TMEM168: variants seen among roughly 807,000 people sequenced by gnomAD.
TMEM168 encodes transmembrane protein 168.
TMEM168 carries 40 observed loss-of-function variants against 53.2 expected under a neutral mutation model. The ratio of observed to expected loss-of-function variants is 0.75; its 90% CI spans 0.58 to 0.98. TMEM168 has a LOEUF of 0.98. Ranked by LOEUF, TMEM168 falls within the 50% of genes least tolerant of loss-of-function variation. The probability of loss-of-function intolerance (pLI) is 0.00; values close to 1 mark genes in which losing one functional copy is unlikely to be tolerated. For missense variants in TMEM168, 771 were observed against 828.8 expected (o/e 0.93, Z 0.86); for synonymous variants, 282 against 293.0 (o/e 0.96, Z 0.38).
At chr7:112,787,990 C>T (rs1793439243) in intron 1 of TMEM168, among the ~76,000 whole-genome samples, 1 of 152,048 alleles carries the variant, frequency 6.6e-6, no homozygotes, top group African/African-American at 2.4e-5. Context: ...CCTTGGCCTC[C>T]CAAAGTGCTG....
At position 112,783,978 on chromosome 7, in the gene TMEM168, A is replaced by G; in HGVS notation, c.848T>C (p.Phe283Ser). 1 of 1,613,102 alleles carries G rather than the reference A, an allele frequency of 6.2e-7. No individual in the cohort carries two copies. Among genetic ancestry groups the G allele is most frequent in the East Asian group, 2.2e-5 (1 of 44,858 alleles). Reference sequence around the variant, plus strand: ...CCAGAGGTGAGTGTCTCTAAGTTTGAATGCGGAAAGAATAAAAAATGTAAG... The same window carrying G: ...CCAGAGGTGAGTGTCTCTAAGTTTGGATGCGGAAAGAATAAAAAATGTAAG... ...IELTFFILSA[F>S]KLRDTHLWYF... The change falls in exon 2 of 5, where the codon TTC becomes TCC. Residue 283 changes from phenylalanine (F) to serine (S), a missense_variant. Coordinates refer to ENST00000312814, the MANE Select transcript of TMEM168 (RefSeq NM_022484.6).
At chr7:112,783,426 CTT>C (rs1562868590) in intron 2 of TMEM168, among the ~76,000 whole-genome samples, 2 of 152,174 alleles carry the variant, frequency 1.3e-5, no homozygotes, top group African/African-American at 4.8e-5. Context: ...TTCTAAGACT[CTT>C]TAATCGATGA....
chr7:112,772,622 G>A lies in TMEM168; in HGVS notation c.1546+159C>T, dbSNP rs1792957009. ...ATCTTATCATTAGAGATTAAATTAG[G>A]CTAAACAGGTATGCTAGAGCAAAGA... On this transcript the variant is annotated intron_variant, in intron 4 of 4. Coordinates refer to ENST00000312814, the MANE Select transcript of TMEM168 (RefSeq NM_022484.6). 2.0e-5 allele frequency among the ~76,000 whole-genome samples: 3 copies of A among 152,034 alleles called. No homozygotes were observed. The South Asian group carries it at 6.2e-4, about 32-fold the overall frequency.
chr7:112,784,080 G>C lies in TMEM168; in HGVS notation c.746C>G (p.Thr249Ser), dbSNP rs1793305346. The change falls in exon 2 of 5, where the codon ACT becomes AGT. Residue 249 changes from threonine (T) to serine (S), a missense_variant. By Grantham distance (58) the Thr-to-Ser change is moderately conservative. Coordinates refer to ENST00000312814, the MANE Select transcript of TMEM168 (RefSeq NM_022484.6). ...LDIYFSGLSV[T>S]ERWKPFLYRG... ...GTACAAAAAGGGTTTCCATCTTTCA[G>C]TTACTGAAAGTCCACTAAAATAAAT... The C allele has an allele frequency of 6.2e-7, 1 of 1,612,746 alleles. No homozygotes were observed. The highest frequency in any genetic ancestry group is 1.1e-5 in the South Asian group (1 of 90,502).
chr7:112,774,585 CTT>C (rs1158081885), intron 3 of TMEM168, among the ~76,000 whole-genome samples: 2 of 143,084 alleles, frequency 1.4e-5, no homozygotes, highest in Admixed American at 7.0e-5. Context: ...TGCTTTTTTC[CTT>C]TTTTTTTTTT....
chr7:112,767,594 A>G lies in TMEM168; in HGVS notation c.1697T>C (p.Val566Ala). ...TGTTTTTATCAACTCTGCTCCTTGC[A>G]CTGCAATATACTGGTCATTAATTTT... ...VRKINDQYIA[V>A]QGAELIKTVD... The change falls in exon 5 of 5, where the codon GTG becomes GCG. Residue 566 changes from valine to alanine, a missense_variant. By Grantham distance (64) the Val-to-Ala change is moderately conservative (BLOSUM62 0). Coordinates refer to ENST00000312814, the MANE Select transcript of TMEM168 (RefSeq NM_022484.6). 1.2e-6 allele frequency: 2 copies of G among 1,614,116 alleles called. No individual in the cohort carries two copies. The highest frequency in any genetic ancestry group is 1.7e-6 in the Non-Finnish European group (2 of 1,180,004).
chr7:112,783,294 T>A (rs569734120), intron 2 of TMEM168, among the ~76,000 whole-genome samples: 1 of 152,316 alleles, frequency 6.6e-6, no homozygotes, highest in East Asian at 1.9e-4. Context: ...AGACAGAAGT[T>A]AAGTAACCTT....
chr7:112,765,683 T>TAATA lies in TMEM168; in HGVS notation c.*1510_*1513dup, dbSNP rs1792757816. On this transcript the variant is annotated 3_prime_UTR_variant, in exon 5 of 5. Coordinates refer to ENST00000312814, the MANE Select transcript of TMEM168 (RefSeq NM_022484.6). ...GGGCATTTTTAATGACTACCACTTT[T>TAATA]AATAAATATACTAAAATATTCAATA... is the stretch of plus-strand genomic sequence containing the variant. 1 of 152,450 alleles carries TAATA rather than the reference T, an allele frequency of 6.6e-6. No homozygotes were observed. The highest frequency in any genetic ancestry group is 2.1e-4 in the South Asian group (1 of 4,830). 9.4% of individuals were successfully genotyped at this position (152,450 alleles called of 1,614,324 possible).
At chr7:112,787,809 C>T (rs755207015) in intron 1 of TMEM168, among the ~76,000 whole-genome samples, 4 of 141,852 alleles carry the variant, frequency 2.8e-5, no homozygotes, top group Non-Finnish European at 6.0e-5. Flanking sequence ...CTCGGCTCAC[C>T]GCAACCTCTG....
intron 2 of TMEM168, among the ~76,000 whole-genome samples, chr7:112,782,570 C>T (rs1300972273): frequency 6.6e-6 from 1 of 152,160 alleles, no homozygotes; most frequent in Non-Finnish European, 1.5e-5. Flanking sequence ...AAAGTAAGGA[C>T]AATATCCTCA....
chr7:112,784,912 T>G lies in TMEM168; in HGVS notation c.-87A>C. On this transcript the variant is annotated 5_prime_UTR_variant, in exon 2 of 5. An upstream open reading frame in the 5' UTR loses its in-frame stop. Coordinates refer to ENST00000312814, the MANE Select transcript of TMEM168 (RefSeq NM_022484.6). ...GTATATCCAATGTATCCGCAACTCC[T>G]ATTTCAACATTTTCTCTTGTGGAAA... 4.3e-6 allele frequency: 5 copies of G among 1,166,328 alleles called. No homozygotes were observed. The highest frequency in any genetic ancestry group is 1.6e-5 in the African/African-American group (1 of 63,960). The allele number at this position is 1,166,328 out of a possible 1,614,324, so 72.2% of individuals were successfully genotyped here. A position where few individuals can be genotyped will look rare whatever the true frequency, so the allele number is the denominator to read the frequency against.
rs1044211554 is a variant in TMEM168, at chr7:112,762,837, G to A, written c.*4360C>T. On this transcript the variant is annotated 3_prime_UTR_variant, in exon 5 of 5. Coordinates refer to ENST00000312814, the MANE Select transcript of TMEM168 (RefSeq NM_022484.6). ...AAACAATTACTGCTTAAACTTCATC[G>A]TTTTATATTGTTTCTATGTGTTATA... 2 of 151,910 alleles carry A rather than the reference G, an allele frequency of 1.3e-5. No homozygotes were observed. Among genetic ancestry groups the A allele is most frequent in the African/African-American group, 2.4e-5 (1 of 41,414 alleles). 9.4% of individuals were successfully genotyped at this position (151,910 alleles called of 1,614,324 possible).
At chr7:112,768,552 C>T (rs10257210) in intron 4 of TMEM168, among the ~76,000 whole-genome samples, 32,639 of 151,924 alleles carry the variant, frequency 0.21, 3,802 homozygotes, top group Middle Eastern at 0.44. Context: ...ATATATATAC[C>T]CAGAAAGTTC....
chr7:112,789,582 A>C (rs1466097559), intron 1 of TMEM168, among the ~76,000 whole-genome samples: 1 of 152,176 alleles, frequency 6.6e-6, no homozygotes, highest in Non-Finnish European at 1.5e-5. Context: ...GTCTTTACTT[A>C]ATTCACCCAA....
In TMEM168 at chr7:112,767,038, C is replaced by T. The variant is rs1000723260; in HGVS notation, c.*159G>A. 2.1e-5 allele frequency: 15 copies of T among 719,502 alleles called. No homozygotes were observed. Among genetic ancestry groups the T allele is most frequent in the South Asian group, 4.0e-5 (2 of 49,544 alleles). 44.6% of individuals were successfully genotyped at this position (719,502 alleles called of 1,614,324 possible). ...CATTATAAAATGTTTTTTCCCAACGCCTTATATATACCATAATTACTTAAG... is the reference window on the plus strand; with the variant it reads ...CATTATAAAATGTTTTTTCCCAACGTCTTATATATACCATAATTACTTAAG... On this transcript the variant is annotated 3_prime_UTR_variant, in exon 5 of 5. Transcript: ENST00000312814.
Position 112,778,978 on chromosome 7 carries a change from T to A in TMEM168, c.1129-3660A>T, listed in dbSNP as rs78859885. ...ATCACGATTCACTGCAGCCTTGACC[T>A]CTCAGGCTCATGTGATCCTACCACC... On this transcript the variant is annotated intron_variant, in intron 2 of 4. Coordinates refer to ENST00000312814, the MANE Select transcript of TMEM168 (RefSeq NM_022484.6). Among the ~76,000 whole-genome samples, 930 of 152,220 alleles carry A rather than the reference T, an allele frequency of 6.1e-3. 9 individuals are homozygous for A. Among genetic ancestry groups the A allele is most frequent in the African/African-American group, 0.021 (878 of 41,550 alleles).
intron 3 of TMEM168, among the ~76,000 whole-genome samples, chr7:112,773,668 G>A (rs1002382933): frequency 1.3e-5 from 2 of 151,748 alleles, no homozygotes; most frequent in Non-Finnish European, 2.9e-5. Context: ...AATATAAAAT[G>A]GTACTCTAGT....
In TMEM168 at chr7:112,763,700, T is replaced by G. The variant is rs749230484; in HGVS notation, c.*3497A>C. ...CTTTAAAAGAGACTAAGCTATAAAT[T>G]TGAATACATATAAAAAAGCAGTACC... On this transcript the variant is annotated 3_prime_UTR_variant, in exon 5 of 5. Transcript: ENST00000312814. 6.6e-6 allele frequency: 1 copy of G among 152,082 alleles called. No homozygotes were observed. Among genetic ancestry groups the G allele is most frequent in the Non-Finnish European group, 1.5e-5 (1 of 67,994 alleles). The allele number at this position is 152,082 out of a possible 1,614,324, so 9.4% of individuals were successfully genotyped here.
In TMEM168 at chr7:112,784,512, A is replaced by G; in HGVS notation, c.314T>C (p.Leu105Pro). The change falls in exon 2 of 5, where the codon CTC becomes CCC. Residue 105 changes from leucine (L) to proline (P), a missense_variant. Transcript: ENST00000312814. ...GGATGAATTATCAAGAAAACATAGGAGGCCAAGCAAGAATCCAAACCAAAG... is the reference window on the plus strand; with the variant it reads ...GGATGAATTATCAAGAAAACATAGGGGGCCAAGCAAGAATCCAAACCAAAG... ...SNLWFGFLLG[L>P]LCFLDNSSFK... 1 of 1,614,150 alleles carries G rather than the reference A, an allele frequency of 6.2e-7. No individual in the cohort carries two copies. The highest frequency in any genetic ancestry group is 1.3e-5 in the African/African-American group (1 of 75,064).
Sources: gnomAD v4.1 joint callset for allele counts (sites outside exome capture counted in the v4.1 genomes callset) on GRCh38, gnomAD v4.1.1 for gene constraint, MANE v1.5 for transcripts, NCBI Gene and HGNC (gene_info 2026-07-23, HGNC 2026-07-21) for gene names.